The following KCNT1 variants were observed in gnomAD, a reference collection of about 807,000 sequenced individuals.
KCNT1 encodes potassium channel subfamily T member 1.
In KCNT1, 78 loss-of-function variants were observed where a neutral mutation model predicts 147.8. That is an observed-to-expected ratio of 0.53 (90% CI 0.44 to 0.64). KCNT1 has a LOEUF of 0.64. Among genes scored for constraint, KCNT1 ranks in the 30% least tolerant of loss-of-function variants. KCNT1 has a pLI of 0.00. For missense variants in KCNT1, 1,419 were observed against 1,750.3 expected, an observed-to-expected ratio of 0.81 and a Z score of 3.38; for synonymous variants, 867 against 748.8, an observed-to-expected ratio of 1.16 and a Z score of -2.58.
rs112152062 is a variant in KCNT1 at position 135,772,509 on chromosome 9, G to A, written c.2009-206G>A. On this transcript the variant is annotated intron_variant, in intron 18 of 30. Coordinates refer to ENST00000371757, the MANE Select transcript of KCNT1 (RefSeq NM_020822.3). ...GGGCACTGGGGCCCCCTGGGTCTTC[G>A]CTCAACATCATCGCCACCCCAGAGG... 0.025 allele frequency among the ~76,000 whole-genome samples: 3,863 copies of A among 152,272 alleles called. 168 individuals carry two copies. The highest frequency in any genetic ancestry group is 0.089 in the African/African-American group (3,688 of 41,550).
At chr9:135,771,445 C>G (rs1024820498) in intron 18 of KCNT1, among the ~76,000 whole-genome samples, 1 of 152,228 alleles carries the variant, frequency 6.6e-6, no homozygotes, top group African/African-American at 2.4e-5. Flanking sequence ...CTTCCTGTGG[C>G]CACCTTTGTG....
In KCNT1 at chr9:135,785,590, C is replaced by G. The variant is rs567253867; in HGVS notation, c.3177+260C>G. ...TGAGTTTGGACACCAGGTGCACCCCCGCCCCCTCCCAGGCCCCACCAAGGC... is the reference window on the plus strand; with the variant it reads ...TGAGTTTGGACACCAGGTGCACCCCGGCCCCCTCCCAGGCCCCACCAAGGC... On this transcript the variant is annotated intron_variant, in intron 28 of 30. Coordinates refer to ENST00000371757, the MANE Select transcript of KCNT1 (RefSeq NM_020822.3). The G allele has an allele frequency of 3.2e-4, 197 of 612,110 alleles. No individual in the cohort carries two copies. The East Asian group carries it at 5.4e-3, about 17-fold the overall frequency. 37.9% of individuals were successfully genotyped at this position (612,110 alleles called of 1,614,324 possible).
chr9:135,778,578 G>A (rs934357304), intron 22 of KCNT1, 83 bp downstream of exon 22: 115 of 1,600,452 alleles, frequency 7.2e-5, no homozygotes, highest in East Asian at 1.8e-4. Flanking sequence ...GACCCCGACC[G>A]CAGGTGGGGT....
At chr9:135,753,768 G>C (rs1362502128) in intron 4 of KCNT1, 169 bp from the exon 5 acceptor site, 2 of 658,402 alleles carry the variant, frequency 3.0e-6, no homozygotes, top group Admixed American at 2.2e-5. Flanking sequence ...GGTGGGGAGG[G>C]GGCAGGCTGC....
chr9:135,715,991 C>T (rs1835705869), intron 2 of KCNT1, among the ~76,000 whole-genome samples: 1 of 152,202 alleles, frequency 6.6e-6, no homozygotes. Context: ...CACCTAAGTG[C>T]AAATGCCCAG....
intron 16 of KCNT1, 80 bp downstream of exon 16, chr9:135,770,135 G>A (rs1351019162): frequency 1.8e-5 from 25 of 1,408,758 alleles, no homozygotes; most frequent in South Asian, 2.6e-5. Context: ...GCTTGGGGGC[G>A]GGGATGGGCT....
intron 28 of KCNT1, chr9:135,785,745 C>T (rs1340462956): frequency 2.2e-6 from 1 of 447,906 alleles, no homozygotes; most frequent in Non-Finnish European, 4.1e-6. Flanking sequence ...CCCCACGTTC[C>T]CCAGGTTCGG....
chr9:135,746,807 C>T (rs1225115962), intron 2 of KCNT1, among the ~76,000 whole-genome samples: 1 of 151,770 alleles, frequency 6.6e-6, no homozygotes, highest in Non-Finnish European at 1.5e-5. Context: ...GGCACCCCCG[C>T]CTAGGAGGAG....
Position 135,722,278 on chromosome 9 carries a change from A to AT in KCNT1, c.254+7559dup, listed in dbSNP as rs200022204. 1.0e-3 allele frequency among the ~76,000 whole-genome samples: 152 copies of AT among 152,024 alleles called. 1 individual carries two copies. In the East Asian group the frequency reaches 0.019, roughly 19 times the overall value. On this transcript the variant is annotated intron_variant, in intron 2 of 30. Transcript: ENST00000371757. ...CGAATCCCGCGTCCCCTGGGGCTGC[A>AT]TCCCCCGTCCCACCCCTGGGGCCGG...
rs1264352653 is a variant in KCNT1, at chr9:135,793,901, C to G, written c.*1740C>G. The stretch of plus-strand genomic sequence containing the variant: ...GAGCCTGTCCCAGCAGGGCTGGGGT[C>G]TATCACGTTCCTGGGATCCAAGCAG... On this transcript the variant is annotated 3_prime_UTR_variant, in exon 31 of 31. Transcript: ENST00000371757. The G allele has an allele frequency of 6.6e-6, 1 of 152,396 alleles. No homozygotes were observed. The highest frequency in any genetic ancestry group is 2.4e-5 in the African/African-American group (1 of 41,450). 9.4% of individuals were successfully genotyped at this position (152,396 alleles called of 1,614,324 possible). A position where few individuals can be genotyped will look rare whatever the true frequency, so the allele number is the denominator to read the frequency against.
At chr9:135,773,407 T>A (rs1832897571) in intron 19 of KCNT1, among the ~76,000 whole-genome samples, 1 of 152,154 alleles carries the variant, frequency 6.6e-6, no homozygotes, top group Admixed American at 6.5e-5. Flanking sequence ...GGTCTCCCCC[T>A]TAGCACTACA....
At chr9:135,784,221 C>T (rs1833841224) in intron 25 of KCNT1, 96 bp downstream of exon 25, 1 of 983,622 alleles carries the variant, frequency 1.0e-6, no homozygotes, top group African/African-American at 1.6e-5. Flanking sequence ...AATGATAGGA[C>T]TCCCTCTGAA....
At chr9:135,770,138 G>A in intron 16 of KCNT1, 83 bp downstream of exon 16, 1 of 1,408,928 alleles carries the variant, frequency 7.1e-7, no homozygotes, top group Non-Finnish European at 9.7e-7. Flanking sequence ...TGGGGGCGGG[G>A]ATGGGCTTCC....
Position 135,770,316 on chromosome 9 carries a change from G to A in KCNT1, c.1638G>A (p.Pro546=), listed in dbSNP as rs138352399. Residue 546 remains proline (P), a synonymous_variant, in exon 17 of 31, where the codon CCG becomes CCA. Transcript: ENST00000371757. The part of the protein sequence containing the change: ...TSRGQEGQES[P]EQWQRMYGRC... ...CCCACAGGGAGGGACAGGAGTCTCC[G>A]GAGCAGTGGCAGCGCATGTATGGGC... 92 of 1,607,550 alleles carry A rather than the reference G, an allele frequency of 5.7e-5. No homozygotes were observed. In the African/African-American group the frequency reaches 6.5e-4, roughly 11 times the overall value.
chr9:135,706,985 G>A (rs1835282718), intron 1 of KCNT1, among the ~76,000 whole-genome samples: 1 of 151,852 alleles, frequency 6.6e-6, no homozygotes, highest in Admixed American at 6.6e-5. Context: ...TTGTGCCTCA[G>A]TTCCCAGACA....
chr9:135,715,380 C>T (rs2131331126), intron 2 of KCNT1, among the ~76,000 whole-genome samples: 1 of 152,354 alleles, frequency 6.6e-6, no homozygotes, highest in Non-Finnish European at 1.5e-5. Context: ...CTTGGGTAAA[C>T]ACCCAGCACT....
chr9:135,721,283 C>G (rs1405237537), intron 2 of KCNT1, among the ~76,000 whole-genome samples: 1 of 152,214 alleles, frequency 6.6e-6, no homozygotes, highest in African/African-American at 2.4e-5. Flanking sequence ...CGCCAGCCTG[C>G]TCAGTCCCTG....
At chr9:135,734,726 T>C (rs1830266024) in intron 2 of KCNT1, among the ~76,000 whole-genome samples, 1 of 152,114 alleles carries the variant, frequency 6.6e-6, no homozygotes, top group African/African-American at 2.4e-5. Flanking sequence ...CGCGTTTGCC[T>C]CCTGCGTGAG....
At chr9:135,704,491 C>T (rs185276939) in intron 1 of KCNT1, among the ~76,000 whole-genome samples, 2 of 152,330 alleles carry the variant, frequency 1.3e-5, no homozygotes, top group East Asian at 3.9e-4. Flanking sequence ...CTGCTCCCAC[C>T]TCCATGCCAT....
Sources: allele counts gnomAD v4.1 joint callset (sites outside exome capture counted in the v4.1 genomes callset), GRCh38; gene constraint gnomAD v4.1.1; transcripts MANE v1.5; gene names NCBI Gene and HGNC (gene_info 2026-07-23, HGNC 2026-07-21).